Variants in TET1 observed in about 807,000 individuals in gnomAD.
TET1 encodes the protein methylcytosine dioxygenase TET1.
TET1 carries 13 observed loss-of-function variants against 148.7 expected under a neutral mutation model. The ratio of observed to expected loss-of-function variants is 0.09; its 90% confidence interval spans 0.06 to 0.14. TET1 has a LOEUF of 0.14. Among genes scored for constraint, TET1 ranks in the 10% least tolerant of loss-of-function variants. The pLI is 1.00. For synonymous variants in TET1, 907 were observed against 937.2 expected (o/e 0.97, Z 0.59); for missense variants, 2,182 against 2,553.8 (o/e 0.85, Z 3.14).
intron 2 of TET1, among the ~76,000 whole-genome samples, chr10:68,588,358 A>C (rs1372315536): frequency 6.6e-6 from 1 of 152,128 alleles, no homozygotes; most frequent in Non-Finnish European, 1.5e-5. Flanking sequence ...TCTTACAACA[A>C]TCGTATGAAA....
At chr10:68,615,356 C>CTTTCTTTTTTT (rs1554936333) in intron 3 of TET1, among the ~76,000 whole-genome samples, 7,432 of 145,266 alleles carry the variant, frequency 0.051, 722 homozygotes, top group African/African-American at 0.18. Flanking sequence ...CTTTTCTTTT[C>CTTTCTTTTTTT]TTTTTTTGAG....
Position 68,572,692 on chromosome 10 carries a change from C to T in TET1, c.354C>T (p.Pro118=), listed in dbSNP as rs2133685942. ...CTCTTAGCAGGCGACTCTCCCAACC[C>T]CCACTGGTCGTAGCCAAATCCAAAA... ...STSLSRRLSQ[P]PLVVAKSKKV... is the part of the protein sequence containing the mutation. The change falls in exon 2 of 12, where the codon CCC becomes CCT. Residue 118 remains proline, a synonymous_variant. Coordinates refer to ENST00000373644, the MANE Select transcript of TET1 (RefSeq NM_030625.3). 1 of 1,614,136 alleles carries T rather than the reference C, an allele frequency of 6.2e-7. No individual in the cohort carries two copies.
At chr10:68,688,378 G>A (rs1409541996) in intron 11 of TET1, among the ~76,000 whole-genome samples, 2 of 149,648 alleles carry the variant, frequency 1.3e-5, no homozygotes, top group African/African-American at 2.5e-5. Context: ...GAGCCACCAC[G>A]CCCGGCTGGC....
intron 3 of TET1, chr10:68,632,834 GTAAAAAAAA>G: frequency 3.2e-6 from 1 of 308,178 alleles, no homozygotes. Flanking sequence ...AGTTTAAGTT[GTAAAAAAAA>G]AAAAAAAAAG....
rs752966129 is a variant in TET1 at position 68,667,140 on chromosome 10, C to T, written c.4557C>T (p.Ile1519=). Residue 1519 remains isoleucine (I), a synonymous_variant, in exon 7 of 12, where the codon ATC becomes ATT. Coordinates refer to ENST00000373644, the MANE Select transcript of TET1 (RefSeq NM_030625.3). Reference sequence around the variant, plus strand: ...CAACTGCTGTGATGGTGGTGCTCATCATGGTGTGGGATGGCATCCCTCTTC... The same window carrying T: ...CAACTGCTGTGATGGTGGTGCTCATTATGGTGTGGGATGGCATCCCTCTTC... ...HCPTAVMVVL[I]MVWDGIPLPM... 6.2e-7 allele frequency: 1 copy of T among 1,614,160 alleles called. No homozygotes were observed. Among genetic ancestry groups the T allele is most frequent in the African/African-American group, 1.3e-5 (1 of 75,052 alleles).
chr10:68,689,130 G>C (rs2055556565), intron 11 of TET1, among the ~76,000 whole-genome samples: 1 of 151,978 alleles, frequency 6.6e-6, no homozygotes, highest in African/African-American at 2.4e-5. Context: ...TTTACCTTCT[G>C]TGGACAACTT....
At chr10:68,603,819 A>G (rs1564962850) in intron 3 of TET1, among the ~76,000 whole-genome samples, 1 of 152,154 alleles carries the variant, frequency 6.6e-6, no homozygotes, top group Non-Finnish European at 1.5e-5. Flanking sequence ...TACCATATTC[A>G]TTCTATTGTA....
rs1192292310 is a variant in TET1, at chr10:68,686,567, G to T, written c.5264G>T (p.Gly1755Val). The T allele has an allele frequency of 1.2e-6, 2 of 1,614,166 alleles. No homozygotes were observed. The highest frequency in any genetic ancestry group is 1.7e-6 in the Non-Finnish European group (2 of 1,180,034). Residue 1755 changes from glycine to valine, a missense_variant, in exon 11 of 12, where the codon GGA (glycine) becomes GTA (valine). Coordinates refer to ENST00000373644, the MANE Select transcript of TET1 (RefSeq NM_030625.3). ...TCFTQPVPRS[G>V]KKRAAMMTEV... ...TTCACTCAGCCTGTTCCCCGTTCTGGAAAGAAGAGGGCTGCGATGATGACA... is the reference window on the plus strand; with the variant it reads ...TTCACTCAGCCTGTTCCCCGTTCTGTAAAGAAGAGGGCTGCGATGATGACA...
intron 3 of TET1, among the ~76,000 whole-genome samples, chr10:68,635,840 C>T (rs752662509): frequency 1.3e-5 from 2 of 152,088 alleles, no homozygotes; most frequent in Non-Finnish European, 2.9e-5. Flanking sequence ...AAAAACAAAA[C>T]AACGAAGTGA....
intron 6 of TET1, among the ~76,000 whole-genome samples, chr10:68,663,765 T>C (rs1301033227): frequency 1.3e-5 from 2 of 152,242 alleles, no homozygotes; most frequent in African/African-American, 4.8e-5. Context: ...AGTGTTCTCC[T>C]GGTTTTTGGA....
chr10:68,677,973 C>G (rs1304898140), intron 8 of TET1, among the ~76,000 whole-genome samples: 1 of 151,840 alleles, frequency 6.6e-6, no homozygotes, highest in Non-Finnish European at 1.5e-5. Context: ...GGTTCTCACT[C>G]TGTCACCCAG....
intron 3 of TET1, among the ~76,000 whole-genome samples, chr10:68,623,479 A>G (rs1183928713): frequency 6.6e-6 from 1 of 152,192 alleles, no homozygotes; most frequent in Non-Finnish European, 1.5e-5. Context: ...AAGGTTGAGG[A>G]ATCACTTAAT....
intron 4 of TET1, among the ~76,000 whole-genome samples, chr10:68,650,171 C>G (rs2054910598): frequency 6.6e-6 from 1 of 152,098 alleles, no homozygotes; most frequent in Admixed American, 6.6e-5. Context: ...GCATCTCTAT[C>G]TTCCACCCAC....
chr10:68,618,468 A>G (rs2054327082), intron 3 of TET1, among the ~76,000 whole-genome samples: 2 of 152,192 alleles, frequency 1.3e-5, no homozygotes. Flanking sequence ...CAGGACCTTA[A>G]TACAAACAAA....
intron 7 of TET1, among the ~76,000 whole-genome samples, chr10:68,669,533 T>A (rs1262465876): frequency 6.7e-6 from 1 of 148,818 alleles, no homozygotes; most frequent in Non-Finnish European, 1.5e-5. Flanking sequence ...TTTTTGTATT[T>A]TTAGTAGAGA....
At chr10:68,648,380 T>A (rs993726150) in intron 4 of TET1, among the ~76,000 whole-genome samples, 2 of 152,156 alleles carry the variant, frequency 1.3e-5, no homozygotes, top group East Asian at 3.8e-4. Flanking sequence ...AATATAGCTG[T>A]AAAAAAATAG....
chr10:68,626,020 A>G, intron 3 of TET1, among the ~76,000 whole-genome samples: 1 of 150,280 alleles, frequency 6.7e-6, no homozygotes, highest in Non-Finnish European at 1.5e-5. Context: ...CAAGTTCCAG[A>G]GTGAGGTGAA....
At chr10:68,590,821 T>C (rs2053910274) in intron 2 of TET1, among the ~76,000 whole-genome samples, 1 of 152,012 alleles carries the variant, frequency 6.6e-6, no homozygotes. Flanking sequence ...TTAAAAAATA[T>C]ATAAAGCTAT....
At chr10:68,624,657 T>C (rs1306372492) in intron 3 of TET1, among the ~76,000 whole-genome samples, 5 of 61,162 alleles carry the variant, frequency 8.2e-5, no homozygotes, top group African/African-American at 3.0e-4. Context: ...TCTTTCTTTC[T>C]TTCTCTCTCT....
Sources: gnomAD v4.1 joint callset for allele counts (sites outside exome capture counted in the v4.1 genomes callset) on GRCh38, gnomAD v4.1.1 for gene constraint, MANE v1.5 for transcripts, NCBI Gene and HGNC (gene_info 2026-07-23, HGNC 2026-07-21) for gene names.